Variants in ITPK1 observed in about 807,000 individuals in gnomAD.
ITPK1 encodes inositol 1,3,4-trisphosphate 5/6-kinase.
In ITPK1, 21 loss-of-function variants were observed where a neutral mutation model predicts 45.3. The ratio of observed to expected loss-of-function variants is 0.46; its 90% CI spans 0.33 to 0.67. The LOEUF is 0.67. Among genes scored for constraint, ITPK1 ranks in the 30% least tolerant of loss-of-function variants. ITPK1 has a pLI of 0.02. For synonymous variants in ITPK1, 258 were observed against 253.6 expected (o/e 1.02, Z -0.16); for missense variants, 474 against 573.5 (o/e 0.83, Z 1.77).
At chr14:93,090,765 A>T (rs1328721214) in intron 2 of ITPK1, among the ~76,000 whole-genome samples, 1 of 149,618 alleles carries the variant, frequency 6.7e-6, no homozygotes, top group Non-Finnish European at 1.5e-5. Context: ...CAAGAAATGT[A>T]TTTTTTTTTT....
chr14:92,951,622 C>A (rs542863475), intron 9 of ITPK1, among the ~76,000 whole-genome samples: 1 of 152,298 alleles, frequency 6.6e-6, no homozygotes, highest in South Asian at 2.1e-4. Context: ...GAGAGCAGTT[C>A]TTCCAATTCC....
rs1034329563 is a variant in ITPK1, at chr14:93,036,342, C to T, written c.121-19541G>A. Among the ~76,000 whole-genome samples, 1 of 152,170 alleles carries T rather than the reference C, an allele frequency of 6.6e-6. No homozygotes were observed. The highest frequency in any genetic ancestry group is 1.5e-5 in the Non-Finnish European group (1 of 68,018). On this transcript the variant is annotated intron_variant, in intron 3 of 10. Transcript: ENST00000267615. This position sits in a 1 kb window ranked among gnomAD's most constrained non-coding sequence, Gnocchi z 4.1. Reference sequence around the variant, plus strand: ...GCCACAAGGTCATGCTCTGTGACAGCGTGAGAAGAACTGCAAACATCTCAC... The same window carrying T: ...GCCACAAGGTCATGCTCTGTGACAGTGTGAGAAGAACTGCAAACATCTCAC...
At chr14:93,044,029 C>T (rs1203155771) in intron 3 of ITPK1, among the ~76,000 whole-genome samples, 2 of 152,160 alleles carry the variant, frequency 1.3e-5, no homozygotes, top group African/African-American at 4.8e-5. Context: ...CTCTAGCCTC[C>T]CTCCTCTTCT....
intron 3 of ITPK1, chr14:93,066,146 T>A (rs1890734605): frequency 5.0e-6 from 2 of 399,870 alleles, no homozygotes; most frequent in East Asian, 7.6e-5. Context: ...CCTGGCCACA[T>A]CCTGTGTAGC....
intron 3 of ITPK1, among the ~76,000 whole-genome samples, chr14:93,045,115 C>T (rs1374889156): frequency 6.6e-6 from 1 of 152,382 alleles, no homozygotes; most frequent in East Asian, 1.9e-4. Flanking sequence ...AGTTCCAAGT[C>T]ACCAGGCACT....
In ITPK1 at chr14:93,073,785, C is replaced by T. The variant is rs556940824; in HGVS notation, c.120+2810G>A. ...ACTCAAATCCCAACTCCACCACGGC[C>T]AGCTGAAATCCCCAAGAGAAAGCAC... is the stretch of plus-strand genomic sequence containing the variant. On this transcript the variant is annotated intron_variant, in intron 3 of 10. Coordinates refer to ENST00000267615, the MANE Select transcript of ITPK1 (RefSeq NM_014216.6). 2.6e-5 allele frequency among the ~76,000 whole-genome samples: 4 copies of T among 152,328 alleles called. 1 individual carries two copies. Among genetic ancestry groups the T allele is most frequent in the African/African-American group, 7.2e-5 (3 of 41,570 alleles).
At chr14:93,079,308 A>C (rs1468026681) in intron 2 of ITPK1, among the ~76,000 whole-genome samples, 4 of 152,214 alleles carry the variant, frequency 2.6e-5, no homozygotes, top group African/African-American at 9.6e-5. Flanking sequence ...CAGTGGCAGA[A>C]AAGAGGGGGC....
intron 4 of ITPK1, among the ~76,000 whole-genome samples, chr14:93,011,365 C>T (rs1217800128): frequency 6.6e-6 from 1 of 152,186 alleles, no homozygotes; most frequent in African/African-American, 2.4e-5. Flanking sequence ...CCAAACATCA[C>T]CCCCTCCCAC....
rs763213578 is a variant in ITPK1, at chr14:93,115,195, A to G, written c.-32T>C. On this transcript the variant is annotated 5_prime_UTR_variant, in exon 2 of 11. Coordinates refer to ENST00000267615, the MANE Select transcript of ITPK1 (RefSeq NM_014216.6). Reference sequence around the variant, plus strand: ...CCTCGGGCGGGGAGCCTGGGTCCGGAGGAAATCGCCCACAGGCCGAGTCTG... The same window carrying G: ...CCTCGGGCGGGGAGCCTGGGTCCGGGGGAAATCGCCCACAGGCCGAGTCTG... The G allele has an allele frequency of 6.6e-7, 1 of 1,516,240 alleles. No individual in the cohort carries two copies. Among genetic ancestry groups the G allele is most frequent in the East Asian group, 2.3e-5 (1 of 42,788 alleles). 93.9% of individuals were successfully genotyped at this position (1,516,240 alleles called of 1,614,324 possible).
rs144283518 is a variant in ITPK1, at chr14:93,103,941, T to C, written c.95+11128A>G. On this transcript the variant is annotated intron_variant, in intron 2 of 10. Transcript: ENST00000267615. ...CACTGGAGGATCCCCCAGAAAAAGA[T>C]GGGTGGCAGCTCCCAGCAGAGATGT... Among the ~76,000 whole-genome samples the C allele has an allele frequency of 1.2e-3, 190 of 152,212 alleles. 2 individuals are homozygous for C. In the East Asian group the frequency reaches 0.031, roughly 25 times the overall value.
rs1890729671 is a variant in ITPK1 at position 93,066,035 on chromosome 14, T to G, written c.120+10560A>C. On this transcript the variant is annotated intron_variant, in intron 3 of 10. Transcript: ENST00000267615. The stretch of plus-strand genomic sequence containing the variant: ...CAATAATTATCTCTGGGTTTTCATT[T>G]GTGAGCCTATCTTGACTTCCCAAGA... The G allele has an allele frequency of 1.1e-5, 3 of 277,138 alleles. No homozygotes were observed. The East Asian group carries it at 3.0e-4, about 28-fold the overall frequency. The allele number at this position is 277,138 out of a possible 1,614,324, so 17.2% of individuals were successfully genotyped here.
At chr14:93,027,629 G>T (rs112596383) in intron 3 of ITPK1, among the ~76,000 whole-genome samples, 1 of 152,146 alleles carries the variant, frequency 6.6e-6, no homozygotes, top group African/African-American at 2.4e-5. Flanking sequence ...ACATGTGCAC[G>T]CACGTGGACA....
chr14:92,994,043 G>T, intron 4 of ITPK1, 46 bp from the exon 5 acceptor site: 1 of 1,268,148 alleles, frequency 7.9e-7, no homozygotes, highest in Non-Finnish European at 1.2e-6. Context: ...GGTAGGGCCA[G>T]GTAGCAACTC....
chr14:93,061,543 A>T (rs1890524873), intron 3 of ITPK1, among the ~76,000 whole-genome samples: 1 of 152,222 alleles, frequency 6.6e-6, no homozygotes, highest in African/African-American at 2.4e-5. Context: ...GAGAGAAATG[A>T]GTTGCTGTAT....
At chr14:93,115,447 G>T (rs1232697670) in intron 1 of ITPK1, 142 bp from the exon 2 acceptor site, 1 of 148,762 alleles carries the variant, frequency 6.7e-6, no homozygotes, top group Non-Finnish European at 1.5e-5. Flanking sequence ...CCGCCCACCG[G>T]CTCGCGAGCG....
chr14:92,967,000 C>G (rs1479488295), intron 5 of ITPK1, among the ~76,000 whole-genome samples: 1 of 152,142 alleles, frequency 6.6e-6, no homozygotes, highest in Non-Finnish European at 1.5e-5. Context: ...TAAAAGAAAA[C>G]ATAGATGTGA....
In ITPK1 at chr14:92,939,631, G is replaced by C; in HGVS notation, c.*1930C>G. On this transcript the variant is annotated 3_prime_UTR_variant, in exon 11 of 11. Transcript: ENST00000267615. ...CACGGAGGCCTATGGACGCCACCAC[G>C]ACACCACATGGCAGTTACTCGGTAT... 30 of 809,024 alleles carry C rather than the reference G, an allele frequency of 3.7e-5. No homozygotes were observed. The highest frequency in any genetic ancestry group is 5.7e-5 in the South Asian group (1 of 17,476). 50.1% of individuals were successfully genotyped at this position (809,024 alleles called of 1,614,324 possible).
intron 2 of ITPK1, among the ~76,000 whole-genome samples, chr14:93,088,048 T>C (rs1395486126): frequency 6.6e-6 from 1 of 152,232 alleles, no homozygotes; most frequent in East Asian, 1.9e-4. Context: ...CCCAGGCACC[T>C]GACCCTAAAA....
At chr14:92,990,925 G>A (rs759207677) in intron 5 of ITPK1, among the ~76,000 whole-genome samples, 18 of 152,136 alleles carry the variant, frequency 1.2e-4, no homozygotes, top group Non-Finnish European at 2.1e-4. Context: ...TAGCAGTCCC[G>A]AAGCACCCAC....
Sources: gnomAD v4.1 joint callset for allele counts (sites outside exome capture counted in the v4.1 genomes callset) on GRCh38, gnomAD v4.1.1 for gene constraint, Gnocchi (gnomAD v3.1) non-coding constraint, MANE v1.5 for transcripts, NCBI Gene and HGNC (gene_info 2026-07-23, HGNC 2026-07-21) for gene names.